The following FER1L6 variants were observed in gnomAD, a reference collection of about 807,000 sequenced individuals.
FER1L6 encodes the protein fer-1 like family member 6.
In FER1L6, 177 loss-of-function variants were observed where a neutral mutation model predicts 219.2. That is an observed-to-expected ratio of 0.81 (90% CI 0.71 to 0.91). The LOEUF (loss-of-function observed/expected upper bound fraction) is 0.91. FER1L6 is among the 40% of genes least tolerant of loss of function. The pLI is 0.00. For missense variants in FER1L6, 2,153 were observed against 2,259.9 expected (o/e 0.95, Z 0.96); for synonymous variants, 768 against 824.3 (o/e 0.93, Z 1.17).
intron 20 of FER1L6, among the ~76,000 whole-genome samples, chr8:124,041,817 A>G (rs1178092515): frequency 2.0e-5 from 3 of 152,210 alleles, no homozygotes; most frequent in Non-Finnish European, 2.9e-5. Flanking sequence ...GATGATGAGT[A>G]TAGACTCTGG....
At chr8:124,097,233 C>T (rs371891098) in intron 35 of FER1L6, 38 bp from the exon 36 acceptor site, 1 of 1,520,632 alleles carries the variant, frequency 6.6e-7, no homozygotes, top group Admixed American at 1.7e-5. Context: ...CCCTAGCCCC[C>T]TCCCAAAGCT....
At position 124,045,800 on chromosome 8, in the gene FER1L6, C is replaced by T. The variant is rs1361607494; in HGVS notation, c.2623C>T (p.Gln875Ter). The change falls in exon 21 of 41, where the codon CAG becomes TAG. Residue 875 changes from glutamine to a stop codon, truncating the protein, a stop_gained. Coordinates refer to ENST00000522917, the MANE Select transcript of FER1L6 (RefSeq NM_001039112.2). LOFTEE classifies it high-confidence loss of function. ...ISQTLSPTWNQMLLFNDLVLH... is the reference protein window; with the variant it reads ...ISQTLSPTWN Reference sequence around the variant, plus strand: ...CCAGACCCTCTCTCCGACCTGGAACCAGATGCTGCTGTTCAATGATTTGGT... The same window carrying T: ...CCAGACCCTCTCTCCGACCTGGAACTAGATGCTGCTGTTCAATGATTTGGT... 6.2e-7 allele frequency: 1 copy of T among 1,614,124 alleles called. No homozygotes were observed. The highest frequency in any genetic ancestry group is 1.7e-5 in the Admixed American group (1 of 60,020).
chr8:123,940,970 A>C lies in FER1L6; in HGVS notation c.-7-15022A>C, dbSNP rs576298872. The stretch of plus-strand genomic sequence containing the variant: ...GACTGTAGCTTTTCTGTTTGGCTCT[A>C]ATCTCCTGATGGGTGGCAGTTTTGT... On this transcript the variant is annotated intron_variant, in intron 1 of 40. Transcript: ENST00000522917. Among the ~76,000 whole-genome samples, 3 of 152,244 alleles carry C rather than the reference A, an allele frequency of 2.0e-5. No homozygotes were observed. The East Asian group carries it at 5.8e-4, about 29-fold the overall frequency.
At position 124,073,086 on chromosome 8, in the gene FER1L6, G is replaced by T. The variant is rs1821146201; in HGVS notation, c.4092+1455G>T. ...TTTCCCCTGCAGAAAATCTTACAGA[G>T]CTATAGTTCTCTAAGATACAGTTTG... is the stretch of plus-strand genomic sequence containing the variant. On this transcript the variant is annotated intron_variant, in intron 31 of 40. Coordinates refer to ENST00000522917, the MANE Select transcript of FER1L6 (RefSeq NM_001039112.2). Among the ~76,000 whole-genome samples the T allele has an allele frequency of 2.6e-5, 4 of 152,180 alleles. No individual in the cohort carries two copies. The South Asian group carries it at 8.3e-4, about 32-fold the overall frequency.
Position 123,977,528 on chromosome 8 carries a change from G to T in FER1L6, c.982G>T (p.Glu328Ter). 3.1e-6 allele frequency: 5 copies of T among 1,614,132 alleles called. No individual in the cohort carries two copies. The highest frequency in any genetic ancestry group is 4.2e-6 in the Non-Finnish European group (5 of 1,180,006). ...GAGGGTGAAAATCCAGGTGTGGGAT[G>T]AAGGCAGCATGAATGACGTAGCCCT... ...CRRVKIQVWD[E>*]GSMNDVALAT... Residue 328 changes from glutamate to a stop codon, truncating the protein, a stop_gained, in exon 10 of 41, where the codon GAA becomes TAA. Transcript: ENST00000522917. LOFTEE classifies it high-confidence loss of function.
chr8:124,098,904 C>T (rs1822424782), intron 37 of FER1L6, among the ~76,000 whole-genome samples: 1 of 152,192 alleles, frequency 6.6e-6, no homozygotes, highest in Non-Finnish European at 1.5e-5. Context: ...AGCGACAGTG[C>T]TCTCCATTTT....
At chr8:123,924,108 G>A (rs1281697106) in intron 1 of FER1L6, among the ~76,000 whole-genome samples, 3 of 151,526 alleles carry the variant, frequency 2.0e-5, no homozygotes, top group Non-Finnish European at 2.9e-5. Flanking sequence ...ATAGGTGGGT[G>A]CCTGTAGTCC....
intron 35 of FER1L6, 137 bp downstream of exon 35, chr8:124,095,175 G>A: frequency 1.7e-6 from 2 of 1,205,468 alleles, no homozygotes; most frequent in Admixed American, 4.8e-5. Flanking sequence ...GTCACAAGTA[G>A]GTGGGGTTGC....
At chr8:124,028,190 A>G (rs1419110679) in intron 18 of FER1L6, among the ~76,000 whole-genome samples, 1 of 152,350 alleles carries the variant, frequency 6.6e-6, no homozygotes, top group South Asian at 2.1e-4. Flanking sequence ...AGCATTCATC[A>G]TCTGAATATT....
intron 1 of FER1L6, among the ~76,000 whole-genome samples, chr8:123,859,549 T>TTTC (rs1491376297): frequency 1.0e-5 from 1 of 97,660 alleles, no homozygotes; most frequent in African/African-American, 5.1e-5. Flanking sequence ...GCTCTGTTTC[T>TTTC]TTTTTTTTTT....
In FER1L6 at chr8:123,977,485, G is replaced by A. The variant is rs753789314; in HGVS notation, c.939G>A (p.Met313Ile). The A allele has an allele frequency of 8.7e-6, 14 of 1,614,118 alleles. No individual in the cohort carries two copies. The East Asian group carries it at 2.5e-4, about 28-fold the overall frequency. The stretch of plus-strand genomic sequence containing the variant: ...ATGAACAGGTGATCTTCAAGGAAAT[G>A]TTCCCTCCCTTGTGTCGGAGGGTGA... ...VWHEQVIFKEMFPPLCRRVKI... is the reference protein window; with the variant it reads ...VWHEQVIFKEIFPPLCRRVKI... Residue 313 changes from methionine (M) to isoleucine (I), a missense_variant, in exon 10 of 41, where the codon ATG (methionine) becomes ATA (isoleucine). By Grantham distance (10) the Met-to-Ile change is conservative. Transcript: ENST00000522917.
chr8:124,076,709 A>G (rs1277732745), intron 32 of FER1L6, among the ~76,000 whole-genome samples: 1 of 152,152 alleles, frequency 6.6e-6, no homozygotes, highest in Non-Finnish European at 1.5e-5. Flanking sequence ...TTTTGAACAG[A>G]GCAGAGATTT....
At chr8:124,104,253 A>C (rs944529638) in intron 39 of FER1L6, among the ~76,000 whole-genome samples, 3 of 152,224 alleles carry the variant, frequency 2.0e-5, no homozygotes, top group Admixed American at 1.3e-4. Flanking sequence ...GGTTTACTAC[A>C]TGCCAGCCTC....
intron 1 of FER1L6, among the ~76,000 whole-genome samples, chr8:123,868,822 A>G (rs968783612): frequency 6.6e-6 from 1 of 152,346 alleles, no homozygotes; most frequent in East Asian, 1.9e-4. Flanking sequence ...TAATGGTTCC[A>G]CCAGGCAGGA....
Position 124,066,535 on chromosome 8 carries a change from G to A in FER1L6, c.3663G>A (p.Leu1221=). The stretch of plus-strand genomic sequence containing the variant: ...GGTGGTCTAAGTATTATGCCTCCCT[G>A]AAGAAAGCCCAGAAGGTAGAGTCTC... ...IDWWSKYYAS[L]KKAQKAKERN... is the part of the protein sequence containing the mutation. Residue 1221 remains leucine, a synonymous_variant, in exon 27 of 41, where the codon CTG becomes CTA. Transcript: ENST00000522917. 3.1e-6 allele frequency: 5 copies of A among 1,613,932 alleles called. No homozygotes were observed. The highest frequency in any genetic ancestry group is 2.2e-5 in the East Asian group (1 of 44,878).
chr8:124,103,021 C>A, intron 38 of FER1L6, 125 bp from the exon 39 acceptor site: 1 of 874,038 alleles, frequency 1.1e-6, no homozygotes, highest in Non-Finnish European at 1.8e-6. Context: ...AGTTGTGATC[C>A]AATATGGTAC....
chr8:123,986,614 G>A (rs1816597589), intron 12 of FER1L6, among the ~76,000 whole-genome samples: 1 of 151,516 alleles, frequency 6.6e-6, no homozygotes, highest in South Asian at 2.1e-4. Flanking sequence ...TTATTCTATT[G>A]AACTCTATTT....
At chr8:123,953,372 A>G (rs563208516) in intron 1 of FER1L6, among the ~76,000 whole-genome samples, 1 of 152,258 alleles carries the variant, frequency 6.6e-6, no homozygotes, top group African/African-American at 2.4e-5. Context: ...CTGCTTCTCA[A>G]CACTGGGTCT....
At chr8:123,861,888 T>G (rs1816752027) in intron 1 of FER1L6, among the ~76,000 whole-genome samples, 1 of 116,872 alleles carries the variant, frequency 8.6e-6, no homozygotes, top group Non-Finnish European at 1.7e-5. Context: ...GCTGAGACGA[T>G]GGGGTTTTCT....
Sources: gnomAD v4.1 joint callset for allele counts (sites outside exome capture counted in the v4.1 genomes callset) on GRCh38, gnomAD v4.1.1 for gene constraint, MANE v1.5 for transcripts, NCBI Gene and HGNC (gene_info 2026-07-23, HGNC 2026-07-21) for gene names.